The following SNTG2 variants were observed in gnomAD, a reference collection of about 807,000 sequenced individuals.
SNTG2 encodes syntrophin gamma 2.
In SNTG2, 74 loss-of-function variants were observed where a neutral mutation model predicts 70.9. The observed-to-expected ratio is 1.04, with a 90% CI of 0.86 to 1.27. The LOEUF is 1.27. SNTG2 is among the 50% of genes most tolerant of loss of function. The pLI is 0.00. For missense variants in SNTG2, 717 were observed against 690.7 expected, an observed-to-expected ratio of 1.04 and a Z score of -0.43; for synonymous variants, 278 against 273.8, an observed-to-expected ratio of 1.02 and a Z score of -0.15.
chr2:1,196,174 T>A (rs989216427), intron 8 of SNTG2, among the ~76,000 whole-genome samples: 3 of 152,090 alleles, frequency 2.0e-5, no homozygotes, highest in East Asian at 3.8e-4. Flanking sequence ...ATAGATATTT[T>A]AAAAACAAGG....
intron 1 of SNTG2, among the ~76,000 whole-genome samples, chr2:1,075,622 C>T (rs913976677): frequency 7.9e-5 from 12 of 152,082 alleles, no homozygotes; most frequent in African/African-American, 2.7e-4. Context: ...TCTTCTTATC[C>T]GAATTGTTTT....
At chr2:1,241,458 G>A (rs71440642) in intron 11 of SNTG2, among the ~76,000 whole-genome samples, 19,753 of 151,126 alleles carry the variant, frequency 0.13, 1,664 homozygotes, top group Non-Finnish European at 0.2. Flanking sequence ...GGAGAGGAAA[G>A]CATTTTCTTT....
chr2:1,051,364 C>T (rs1002805481), intron 1 of SNTG2, among the ~76,000 whole-genome samples: 6 of 152,090 alleles, frequency 3.9e-5, no homozygotes, highest in Non-Finnish European at 5.9e-5. Flanking sequence ...CTTTTGTAGA[C>T]GTCTCTAACC....
intron 1 of SNTG2, among the ~76,000 whole-genome samples, chr2:990,556 A>T (rs1478157973): frequency 6.6e-6 from 1 of 152,100 alleles, no homozygotes. Context: ...ATGACCTAAT[A>T]ATCTCCCAAA....
At chr2:1,171,287 G>A (rs984037638) in intron 7 of SNTG2, among the ~76,000 whole-genome samples, 4 of 152,134 alleles carry the variant, frequency 2.6e-5, no homozygotes, top group African/African-American at 7.2e-5. Context: ...ACTGTCAAAT[G>A]TAAATTTATT....
At chr2:1,331,037 G>A (rs1659501743) in intron 16 of SNTG2, among the ~76,000 whole-genome samples, 1 of 152,176 alleles carries the variant, frequency 6.6e-6, no homozygotes. Flanking sequence ...TCACCTTGGG[G>A]CAGCAGATTG....
At chr2:1,145,850 C>G (rs1231412501) in intron 6 of SNTG2, among the ~76,000 whole-genome samples, 7 of 152,138 alleles carry the variant, frequency 4.6e-5, no homozygotes, top group Admixed American at 3.9e-4. Flanking sequence ...AAAAGAATTA[C>G]ACACCACAAC....
chr2:1,271,432 G>A (rs1679013880), intron 14 of SNTG2, among the ~76,000 whole-genome samples: 1 of 151,574 alleles, frequency 6.6e-6, no homozygotes, highest in Non-Finnish European at 1.5e-5. Flanking sequence ...ACATTGCAAT[G>A]TCCTGTTAGA....
chr2:1,098,287 T>C, intron 3 of SNTG2, 35 bp downstream of exon 3: 1 of 1,613,888 alleles, frequency 6.2e-7, no homozygotes, highest in South Asian at 1.1e-5. Context: ...CTGCTTTTTA[T>C]TTTTGAAGAA....
At chr2:1,078,488 G>A (rs1664070545) in intron 1 of SNTG2, among the ~76,000 whole-genome samples, 1 of 152,130 alleles carries the variant, frequency 6.6e-6, no homozygotes, top group African/African-American at 2.4e-5. Context: ...AGGATTGCAG[G>A]ACAGCTGGGC....
At chr2:952,993 A>G (rs1328901680) in intron 1 of SNTG2, among the ~76,000 whole-genome samples, 1 of 152,266 alleles carries the variant, frequency 6.6e-6, no homozygotes, top group Non-Finnish European at 1.5e-5. Context: ...GCTTTTAACT[A>G]GAAAAAGATG....
intron 1 of SNTG2, among the ~76,000 whole-genome samples, chr2:1,064,660 G>A (rs1317336514): frequency 2.0e-5 from 3 of 152,024 alleles, no homozygotes; most frequent in Non-Finnish European, 4.4e-5. Flanking sequence ...AAACTGTTAG[G>A]AAATTTTAAG....
At chr2:954,163 G>A (rs1048707220) in intron 1 of SNTG2, among the ~76,000 whole-genome samples, 7 of 152,166 alleles carry the variant, frequency 4.6e-5, no homozygotes, top group East Asian at 1.9e-4. Context: ...TAGCTCCTGC[G>A]CTGCTGGGCA....
At chr2:1,328,808 TACAC>T (rs952872759) in intron 16 of SNTG2, among the ~76,000 whole-genome samples, 8 of 151,744 alleles carry the variant, frequency 5.3e-5, no homozygotes, top group African/African-American at 1.7e-4. Flanking sequence ...CACACACACA[TACAC>T]ACACATGCAC....
intron 8 of SNTG2, among the ~76,000 whole-genome samples, chr2:1,205,166 G>T (rs1175868024): frequency 1.3e-5 from 2 of 152,134 alleles, no homozygotes; most frequent in Admixed American, 1.3e-4. Context: ...ACTACTTTGT[G>T]TCCATACATA....
chr2:1,340,832 C>T (rs1342082202), intron 16 of SNTG2, among the ~76,000 whole-genome samples: 1 of 152,120 alleles, frequency 6.6e-6, no homozygotes, highest in Non-Finnish European at 1.5e-5. Flanking sequence ...TTGCACAGGG[C>T]AATTACAGTT....
chr2:1,277,240 T>G (rs756796888), intron 14 of SNTG2, among the ~76,000 whole-genome samples: 3 of 152,210 alleles, frequency 2.0e-5, no homozygotes, highest in Non-Finnish European at 1.5e-5. Flanking sequence ...CAGCATCACA[T>G]GCTACAGAGA....
In SNTG2 at chr2:1,220,754, C is replaced by T. The variant is rs563614778; in HGVS notation, c.719+11524C>T. 4.0e-3 allele frequency among the ~76,000 whole-genome samples: 611 copies of T among 152,336 alleles called. 5 individuals are homozygous for T. The highest frequency in any genetic ancestry group is 0.013 in the African/African-American group (556 of 41,574). On this transcript the variant is annotated intron_variant, in intron 9 of 16. Transcript: ENST00000308624. The stretch of plus-strand genomic sequence containing the variant: ...CCTACTCTGATAAGGGCAGGGGCCA[C>T]GTGTTTAAGATCTGGAGGTCCTTAA...
intron 9 of SNTG2, among the ~76,000 whole-genome samples, chr2:1,226,705 C>T (rs555497361): frequency 2.6e-5 from 4 of 152,118 alleles, no homozygotes; most frequent in East Asian, 1.9e-4. Context: ...TAGGTAAAAC[C>T]GCAAGTCTCT....
Sources: gnomAD v4.1 joint callset for allele counts (sites outside exome capture counted in the v4.1 genomes callset) on GRCh38, gnomAD v4.1.1 for gene constraint, MANE v1.5 for transcripts, NCBI Gene and HGNC (gene_info 2026-07-23, HGNC 2026-07-21) for gene names.